The following ZNF426 variants were observed in gnomAD, a reference collection of about 807,000 sequenced individuals.
ZNF426 encodes CTC-543D15.7.
Under a neutral mutation model 24.0 loss-of-function variants are expected in ZNF426, and 23 were observed. The observed-to-expected ratio is 0.96, with a 90% CI of 0.69 to 1.36. The LOEUF is 1.36. Ranked by LOEUF, ZNF426 falls within the 40% of genes most tolerant of loss-of-function variation. The probability of loss-of-function intolerance (pLI) is 0.00; values close to 1 mark genes in which losing one functional copy is unlikely to be tolerated. For missense variants in ZNF426, 646 were observed against 658.4 expected (o/e 0.98, Z 0.21); for synonymous variants, 272 against 224.6 (o/e 1.21, Z -1.89).
In ZNF426 at chr19:9,529,267, C is replaced by T. The variant is rs1452897667; in HGVS notation, c.778G>A (p.Gly260Ser). Residue 260 changes from glycine to serine, a missense_variant, in exon 8 of 8, where the codon GGT becomes AGT. Transcript: ENST00000253115. ...GAAAGGCTTGTAGAGTCAATAAAAC[C>T]TGGCCCATAATTCCTCCATTCGTAG... Reference protein sequence around the residue: ...KLYEWRNYGPGFIDSTSLSVL... With the variant: ...KLYEWRNYGPSFIDSTSLSVL... 6.2e-7 allele frequency: 1 copy of T among 1,613,798 alleles called. No individual in the cohort carries two copies. Among genetic ancestry groups the T allele is most frequent in the Admixed American group, 1.7e-5 (1 of 59,934 alleles).
rs112810715 is a variant in ZNF426, at chr19:9,526,087, T to C, written c.*2293A>G. ...AACTAAAGGGTGGGAAAAACTGAAG[T>C]TCACAGTGCAGAAGCACAGACTCAC... is the stretch of plus-strand genomic sequence containing the variant. On this transcript the variant is annotated 3_prime_UTR_variant, in exon 8 of 8. Coordinates refer to ENST00000253115, the MANE Select transcript of ZNF426 (RefSeq NM_024106.3). 1.4e-4 allele frequency: 21 copies of C among 151,972 alleles called. No individual in the cohort carries two copies. The highest frequency in any genetic ancestry group is 5.1e-4 in the African/African-American group (21 of 41,420). 9.4% of individuals were successfully genotyped at this position (151,972 alleles called of 1,614,324 possible).
rs892879527 is a variant in ZNF426, at chr19:9,526,309, G to A, written c.*2071C>T. The A allele has an allele frequency of 6.6e-6, 1 of 151,856 alleles. No individual in the cohort carries two copies. Among genetic ancestry groups the A allele is most frequent in the African/African-American group, 2.4e-5 (1 of 41,310 alleles). The allele number at this position is 151,856 out of a possible 1,614,324, so 9.4% of individuals were successfully genotyped here. A position where few individuals can be genotyped will look rare whatever the true frequency, so the allele number is the denominator to read the frequency against. ...TAAGAACCAGAACCAGATATAGCAG[G>A]ATTGCTGAAATTATCAGACTGGGAA... On this transcript the variant is annotated 3_prime_UTR_variant, in exon 8 of 8. Coordinates refer to ENST00000253115, the MANE Select transcript of ZNF426 (RefSeq NM_024106.3).
At chr19:9,536,972 A>G (rs1467821910) in intron 2 of ZNF426, among the ~76,000 whole-genome samples, 3 of 151,984 alleles carry the variant, frequency 2.0e-5, no homozygotes, top group Non-Finnish European at 4.4e-5. Context: ...ATCTCTACTA[A>G]AAATACAAAA....
At chr19:9,530,919 T>C (rs1194388748) in intron 7 of ZNF426, 66 bp downstream of exon 7, 7 of 1,337,990 alleles carry the variant, frequency 5.2e-6, no homozygotes, top group Non-Finnish European at 7.5e-6. Flanking sequence ...TTTGCTGACT[T>C]CCCATAACAG....
chr19:9,528,664 T>C lies in ZNF426; in HGVS notation c.1381A>G (p.Thr461Ala). ...KECGKAFNYS[T>A]HLKIHMRIHT... ...ATTCGCATGTGAATTTTAAGGTGGG[T>C]GGAATAGTTAAAAGCCTTCCCACAT... The change falls in exon 8 of 8, where the codon ACC becomes GCC. Residue 461 changes from threonine to alanine, a missense_variant. Physicochemically the swap from Thr to Ala is moderately conservative, Grantham distance 58. Transcript: ENST00000253115. 1 of 1,613,954 alleles carries C rather than the reference T, an allele frequency of 6.2e-7. No individual in the cohort carries two copies. Among genetic ancestry groups the C allele is most frequent in the Non-Finnish European group, 8.5e-7 (1 of 1,179,976 alleles).
In ZNF426 at chr19:9,526,009, G is replaced by A. The variant is rs2144761245; in HGVS notation, c.*2371C>T. The stretch of plus-strand genomic sequence containing the variant: ...CTGGAGTTTTAGTCAGAGCTTCAGT[G>A]ACCTGGAGGAAGGGAAATATCCAAC... On this transcript the variant is annotated 3_prime_UTR_variant, in exon 8 of 8. Coordinates refer to ENST00000253115, the MANE Select transcript of ZNF426 (RefSeq NM_024106.3). The A allele has an allele frequency of 6.6e-6, 1 of 152,140 alleles. No individual in the cohort carries two copies. The highest frequency in any genetic ancestry group is 6.6e-5 in the Admixed American group (1 of 15,260). The allele number at this position is 152,140 out of a possible 1,614,324, so 9.4% of individuals were successfully genotyped here.
At position 9,528,326 on chromosome 19, in the gene ZNF426, G is replaced by C. The variant is rs924257151; in HGVS notation, c.*54C>G. ...GAGTGAGTTCATTCATGTCTTTAAAGTGAACTGGAACAAATGAGAGCTTTC... is the reference window on the plus strand; with the variant it reads ...GAGTGAGTTCATTCATGTCTTTAAACTGAACTGGAACAAATGAGAGCTTTC... On this transcript the variant is annotated 3_prime_UTR_variant, in exon 8 of 8. Coordinates refer to ENST00000253115, the MANE Select transcript of ZNF426 (RefSeq NM_024106.3). 29 of 1,494,218 alleles carry C rather than the reference G, an allele frequency of 1.9e-5. No homozygotes were observed. The Admixed American group carries it at 6.2e-4, about 32-fold the overall frequency. The allele number at this position is 1,494,218 out of a possible 1,614,324, so 92.6% of individuals were successfully genotyped here. A position where few individuals can be genotyped will look rare whatever the true frequency, so the allele number is the denominator to read the frequency against.
At chr19:9,532,084 A>G (rs572157520) in intron 6 of ZNF426, among the ~76,000 whole-genome samples, 3 of 152,124 alleles carry the variant, frequency 2.0e-5, no homozygotes, top group Non-Finnish European at 4.4e-5. Flanking sequence ...AACCCTGTAC[A>G]TACTATGATT....
At chr19:9,534,462 C>G (rs2073934840) in intron 4 of ZNF426, among the ~76,000 whole-genome samples, 1 of 152,188 alleles carries the variant, frequency 6.6e-6, no homozygotes, top group African/African-American at 2.4e-5. Context: ...CCTTCAGCCT[C>G]CCAAAGTGCT....
chr19:9,533,433 G>C (rs886336171), intron 5 of ZNF426, among the ~76,000 whole-genome samples: 3 of 152,206 alleles, frequency 2.0e-5, no homozygotes, highest in Non-Finnish European at 4.4e-5. Flanking sequence ...TCCAGCCTGC[G>C]TGACAGAGTG....
intron 2 of ZNF426, among the ~76,000 whole-genome samples, chr19:9,536,990 G>A (rs893856994): frequency 1.3e-5 from 2 of 151,868 alleles, no homozygotes; most frequent in Admixed American, 6.6e-5. Flanking sequence ...AAAATTAGCC[G>A]GGCGTGGTGT....
At position 9,535,155 on chromosome 19, in the gene ZNF426, G is replaced by GTA. The variant is rs769487445; in HGVS notation, c.117+32_117+33insTA. ...GTGTCTACCTGGTGGATGCAAGTAT[G>GTA]TCACTATGTATAAGAATACAGCTGC... On this transcript the variant is annotated intron_variant, in intron 4 of 7. Transcript: ENST00000253115. The GTA allele has an allele frequency of 7.2e-5, 110 of 1,528,146 alleles. No homozygotes were observed. In the South Asian group the frequency reaches 9.2e-4, roughly 13 times the overall value. The allele number at this position is 1,528,146 out of a possible 1,614,324, so 94.7% of individuals were successfully genotyped here.
chr19:9,536,035 T>C (rs886785816), intron 3 of ZNF426, among the ~76,000 whole-genome samples, 173 bp downstream of exon 3: 5 of 152,246 alleles, frequency 3.3e-5, no homozygotes, highest in Admixed American at 6.5e-5. Flanking sequence ...GATTATGCAG[T>C]ACCTCTTTCC....
At chr19:9,533,818 C>A (rs1734353404) in intron 5 of ZNF426, 22 bp downstream of exon 5, 1 of 1,613,326 alleles carries the variant, frequency 6.2e-7, no homozygotes, top group African/African-American at 1.3e-5. Flanking sequence ...TAGAAGGCTG[C>A]AAGGGATGAG....
intron 5 of ZNF426, 139 bp downstream of exon 5, chr19:9,533,701 A>C: frequency 8.4e-7 from 1 of 1,192,556 alleles, no homozygotes; most frequent in Non-Finnish European, 1.2e-6. Context: ...GTCACAGTAG[A>C]TTAAAATCTA....
chr19:9,533,936 C>A lies in ZNF426; in HGVS notation c.148G>T (p.Asp50Tyr). 1 of 1,613,976 alleles carries A rather than the reference C, an allele frequency of 6.2e-7. No homozygotes were observed. Among genetic ancestry groups the A allele is most frequent in the Non-Finnish European group, 8.5e-7 (1 of 1,179,958 alleles). Residue 50 changes from aspartate (D) to tyrosine (Y), a missense_variant, in exon 5 of 8, where the codon GAC becomes TAC. By Grantham distance (160) the Asp-to-Tyr change is radical (BLOSUM62 -3). Coordinates refer to ENST00000253115, the MANE Select transcript of ZNF426 (RefSeq NM_024106.3). ...DSVTFDDVAV[D>Y]FTQEEWTLLD... ...AAAGTCCACTCCTCCTGGGTGAAGT[C>A]CACAGCCACATCGTCAAAGGTCACT... is the stretch of plus-strand genomic sequence containing the variant.
chr19:9,529,885 C>T (rs912190149), intron 7 of ZNF426, among the ~76,000 whole-genome samples: 3 of 151,524 alleles, frequency 2.0e-5, no homozygotes, highest in South Asian at 2.1e-4. Context: ...TTTGGGAGTC[C>T]GATGGGGGGC....
rs1215274927 is a variant in ZNF426 at position 9,528,298 on chromosome 19, CCA to C, written c.*80_*81del. 1 of 1,373,510 alleles carries C rather than the reference CCA, an allele frequency of 7.3e-7. No individual in the cohort carries two copies. Among genetic ancestry groups the C allele is most frequent in the Admixed American group, 2.3e-5 (1 of 43,280 alleles). The allele number at this position is 1,373,510 out of a possible 1,614,324, so 85.1% of individuals were successfully genotyped here. ...GTAATTTTCATGCAGCTTCTTCTCT[CCA>C]GAGTGAGTTCATTCATGTCTTTAAA... is the stretch of plus-strand genomic sequence containing the variant. On this transcript the variant is annotated 3_prime_UTR_variant, in exon 8 of 8. Transcript: ENST00000253115.
At chr19:9,535,102 C>G in intron 4 of ZNF426, 86 bp downstream of exon 4, 15 of 734,322 alleles carry the variant, frequency 2.0e-5, no homozygotes, top group Non-Finnish European at 2.7e-5. Flanking sequence ...AAAAAGAAGT[C>G]TGGAGACAAC....
Sources: gnomAD v4.1 joint callset for allele counts (sites outside exome capture counted in the v4.1 genomes callset) on GRCh38, gnomAD v4.1.1 for gene constraint, MANE v1.5 for transcripts, NCBI Gene and HGNC (gene_info 2026-07-23, HGNC 2026-07-21) for gene names.